SETD3: variants seen among roughly 807,000 people sequenced by gnomAD.
SETD3 encodes the protein actin-histidine N-methyltransferase.
SETD3 carries 19 observed loss-of-function variants against 63.0 expected under a neutral mutation model. The ratio of observed to expected loss-of-function variants is 0.30; its 90% CI spans 0.21 to 0.44. The LOEUF is 0.44. SETD3 is among the 20% of genes least tolerant of loss of function. SETD3 has a pLI of 1.00. For synonymous variants in SETD3, 286 were observed against 264.1 expected, an observed-to-expected ratio of 1.08 and a Z score of -0.80; for missense variants, 587 against 728.5, an observed-to-expected ratio of 0.81 and a Z score of 2.24.
intron 6 of SETD3, among the ~76,000 whole-genome samples, chr14:99,423,403 G>A (rs985275843): frequency 2.0e-5 from 3 of 151,814 alleles, no homozygotes; most frequent in Non-Finnish European, 4.4e-5. Context: ...TGGTATTATA[G>A]TAAGTCAAGA....
In SETD3 at chr14:99,462,309, A is replaced by G. The variant is rs756601668; in HGVS notation, c.197-969T>C. Among the ~76,000 whole-genome samples, 4 of 152,230 alleles carry G rather than the reference A, an allele frequency of 2.6e-5. No individual in the cohort carries two copies. The South Asian group carries it at 8.3e-4, about 32-fold the overall frequency. On this transcript the variant is annotated intron_variant, in intron 3 of 12. Coordinates refer to ENST00000331768, the MANE Select transcript of SETD3 (RefSeq NM_032233.3). ...AAAAGATGAAAAGACATGCATAGAA[A>G]AAACTATTCTGTTTGGATGAATAAA...
chr14:99,408,914 C>T (rs1056758081), intron 8 of SETD3, among the ~76,000 whole-genome samples: 15 of 152,190 alleles, frequency 9.9e-5, no homozygotes, highest in African/African-American at 3.6e-4. Context: ...CCAGGGTGGG[C>T]CTGCAGAGGG....
At chr14:99,483,366 T>C (rs1478798416), upstream of SETD3, among the ~76,000 whole-genome samples, 1 of 151,696 alleles carries the variant, frequency 6.6e-6, no homozygotes, top group African/African-American at 2.4e-5. Flanking sequence ...CTGGGCAACA[T>C]AGTGAGACCT....
intron 6 of SETD3, among the ~76,000 whole-genome samples, chr14:99,425,818 A>C (rs141566882): frequency 2.0e-4 from 30 of 152,350 alleles, no homozygotes; most frequent in African/African-American, 6.7e-4. Flanking sequence ...AAAGAAAAAA[A>C]TCTGTTTTCC....
At chr14:99,423,000 G>T (rs952913818) in intron 6 of SETD3, among the ~76,000 whole-genome samples, 2 of 152,196 alleles carry the variant, frequency 1.3e-5, no homozygotes, top group Non-Finnish European at 2.9e-5. Flanking sequence ...GAGGGAAGCA[G>T]TTTCCAGTTA....
intron 6 of SETD3, among the ~76,000 whole-genome samples, chr14:99,415,180 C>T (rs1300498797): frequency 6.6e-6 from 1 of 152,212 alleles, no homozygotes; most frequent in Non-Finnish European, 1.5e-5. Flanking sequence ...TTTGCACATC[C>T]TGCCTGTTTT....
chr14:99,453,947 G>A (rs1332672044), intron 6 of SETD3, among the ~76,000 whole-genome samples: 1 of 152,014 alleles, frequency 6.6e-6, no homozygotes, highest in African/African-American at 2.4e-5. Context: ...AACCACATCT[G>A]AACTGCCCAC....
At chr14:99,465,913 A>C (rs753534632) in intron 1 of SETD3, 100 bp from the exon 2 acceptor site, 60 of 683,884 alleles carry the variant, frequency 8.8e-5, no homozygotes, top group Non-Finnish European at 1.4e-4. Context: ...TAGTCTTCAG[A>C]GGCTAAGATC....
At chr14:99,440,045 G>C (rs905278748) in intron 6 of SETD3, among the ~76,000 whole-genome samples, 1 of 152,032 alleles carries the variant, frequency 6.6e-6, no homozygotes, top group African/African-American at 2.4e-5. Context: ...CTGGGCTAAA[G>C]TGATCTCCCC....
rs954972152 is a variant in SETD3 at position 99,398,811 on chromosome 14, C to T, written c.1653G>A (p.Gly551=). 2.5e-6 allele frequency: 4 copies of T among 1,614,076 alleles called. No homozygotes were observed. The African/African-American group carries it at 4.0e-5, about 16-fold the overall frequency. Residue 551 remains glycine, a synonymous_variant, in exon 13 of 13, where the codon GGG becomes GGA. Transcript: ENST00000331768. ...AISKAKATEN[G]LVNGENSIPN... ...GGATAGAGTTTTCACCGTTTACAAGCCCGTTTTCTGTGGCCTTTGCTTTGC... is the reference window on the plus strand; with the variant it reads ...GGATAGAGTTTTCACCGTTTACAAGTCCGTTTTCTGTGGCCTTTGCTTTGC...
In SETD3 at chr14:99,434,135, C is replaced by T. The variant is rs142879239; in HGVS notation, c.676-20201G>A. On this transcript the variant is annotated intron_variant, in intron 6 of 12. Coordinates refer to ENST00000331768, the MANE Select transcript of SETD3 (RefSeq NM_032233.3). ...CTTCTAGCAGCTTCACTTGTAATAG[C>T]CAAAAACTGGAAACCACCCAAATGT... Among the ~76,000 whole-genome samples, 889 of 152,246 alleles carry T rather than the reference C, an allele frequency of 5.8e-3. 9 individuals carry two copies. The highest frequency in any genetic ancestry group is 0.02 in the African/African-American group (841 of 41,532).
At chr14:99,423,597 A>AAAAAAAAAAAAAAAAAAAAAAAAAG (rs1892711124) in intron 6 of SETD3, among the ~76,000 whole-genome samples, 1 of 133,164 alleles carries the variant, frequency 7.5e-6, no homozygotes, top group African/African-American at 3.3e-5. Flanking sequence ...GCAAAAAAAA[A>AAAAAAAAAAAAAAAAAAAAAAAAAG]AAAAAAAAAA....
chr14:99,410,038 T>C lies in SETD3; in HGVS notation c.849+2913A>G, dbSNP rs79370053. The stretch of plus-strand genomic sequence containing the variant: ...GGCAGAAACAAGCGGATCTGGACAA[T>C]AGAGGGAAATGTAACAGGACAGGGC... On this transcript the variant is annotated intron_variant, in intron 8 of 12. Transcript: ENST00000331768. 267 of 586,250 alleles carry C rather than the reference T, an allele frequency of 4.6e-4. 2 individuals carry two copies. The East Asian group carries it at 7.4e-3, about 16-fold the overall frequency. The allele number at this position is 586,250 out of a possible 1,614,324, so 36.3% of individuals were successfully genotyped here.
chr14:99,424,646 C>T (rs1353255272), intron 6 of SETD3, among the ~76,000 whole-genome samples: 1 of 152,142 alleles, frequency 6.6e-6, no homozygotes, highest in Non-Finnish European at 1.5e-5. Flanking sequence ...GGCCCCAGGG[C>T]TTCCCTTAGC....
At chr14:99,464,406 G>A (rs1222598641) in intron 2 of SETD3, among the ~76,000 whole-genome samples, 1 of 152,184 alleles carries the variant, frequency 6.6e-6, no homozygotes, top group African/African-American at 2.4e-5. Flanking sequence ...AACTATGAAG[G>A]GTAGCCAGTC....
chr14:99,418,532 C>A (rs1188779434), intron 6 of SETD3, among the ~76,000 whole-genome samples: 1 of 152,178 alleles, frequency 6.6e-6, no homozygotes, highest in African/African-American at 2.4e-5. Context: ...CCCTATCTCA[C>A]ATAACCAAGA....
intron 6 of SETD3, among the ~76,000 whole-genome samples, chr14:99,425,661 T>C (rs1163962422): frequency 6.6e-6 from 1 of 152,218 alleles, no homozygotes; most frequent in Non-Finnish European, 1.5e-5. Context: ...TGGACCTCCA[T>C]TTAAGTGTCA....
At chr14:99,446,739 T>C (rs1436472763) in intron 6 of SETD3, among the ~76,000 whole-genome samples, 1 of 151,828 alleles carries the variant, frequency 6.6e-6, no homozygotes, top group African/African-American at 2.4e-5. Flanking sequence ...AGGAAGGCCA[T>C]GGTTTAATAG....
intron 6 of SETD3, among the ~76,000 whole-genome samples, chr14:99,445,963 G>A (rs779920806): frequency 6.6e-6 from 1 of 152,174 alleles, no homozygotes; most frequent in Non-Finnish European, 1.5e-5. Context: ...CATAGGGAGG[G>A]CCCAGGACAA....
Sources: gnomAD v4.1 joint callset for allele counts (sites outside exome capture counted in the v4.1 genomes callset) on GRCh38, gnomAD v4.1.1 for gene constraint, MANE v1.5 for transcripts, NCBI Gene and HGNC (gene_info 2026-07-23, HGNC 2026-07-21) for gene names.